TGS1: variants seen among roughly 807,000 people sequenced by gnomAD.
The protein encoded by TGS1 is trimethylguanosine synthase 1.
Under a neutral mutation model 92.2 loss-of-function variants are expected in TGS1, and 69 were observed. The observed-to-expected ratio is 0.75, with a 90% CI of 0.62 to 0.91. The LOEUF (loss-of-function observed/expected upper bound fraction) is 0.91, where lower values mean the gene tolerates loss of function less well. Ranked by LOEUF, TGS1 falls within the 40% of genes least tolerant of loss-of-function variation. The pLI is 0.00. For synonymous variants in TGS1, 345 were observed against 338.1 expected, an observed-to-expected ratio of 1.02 and a Z score of -0.22; for missense variants, 1,062 against 1,001.2, an observed-to-expected ratio of 1.06 and a Z score of -0.82.
chr8:55,819,368 C>T (rs1179355976), intron 12 of TGS1, among the ~76,000 whole-genome samples: 1 of 147,212 alleles, frequency 6.8e-6, no homozygotes, highest in African/African-American at 2.5e-5. Flanking sequence ...CTGATCTCAG[C>T]TCACCACAAC....
At chr8:55,817,409 G>A (rs1457922870) in intron 12 of TGS1, among the ~76,000 whole-genome samples, 1 of 152,096 alleles carries the variant, frequency 6.6e-6, no homozygotes, top group African/African-American at 2.4e-5. Flanking sequence ...ATTTGAATTT[G>A]AATAAATATG....
intron 10 of TGS1, among the ~76,000 whole-genome samples, chr8:55,806,165 G>A (rs951619333): frequency 1.3e-5 from 2 of 151,148 alleles, no homozygotes; most frequent in African/African-American, 2.4e-5. Context: ...AGACCAGCCT[G>A]ACCAACATGG....
At chr8:55,781,247 A>G (rs1811554639) in intron 1 of TGS1, among the ~76,000 whole-genome samples, 1 of 152,188 alleles carries the variant, frequency 6.6e-6, no homozygotes, top group Non-Finnish European at 1.5e-5. Flanking sequence ...CCATGAGTTT[A>G]TAACAGTACT....
chr8:55,814,276 C>T (rs2130238835), intron 12 of TGS1, among the ~76,000 whole-genome samples: 1 of 152,172 alleles, frequency 6.6e-6, no homozygotes, highest in African/African-American at 2.4e-5. Flanking sequence ...ACTACTGATA[C>T]TGTAATCCAC....
intron 7 of TGS1, among the ~76,000 whole-genome samples, chr8:55,798,504 C>G (rs537285135): frequency 2.6e-5 from 4 of 152,130 alleles, no homozygotes; most frequent in Admixed American, 6.6e-5. Flanking sequence ...TAGATTGTAG[C>G]TTGACCATTG....
chr8:55,776,949 G>GTT (rs112116576), intron 1 of TGS1, among the ~76,000 whole-genome samples: 1 of 149,838 alleles, frequency 6.7e-6, no homozygotes, highest in Non-Finnish European at 1.5e-5. Context: ...TTGTTTGTTG[G>GTT]TTTTTTTTTG....
intron 4 of TGS1, among the ~76,000 whole-genome samples, chr8:55,788,303 CT>C (rs1811777853): frequency 1.3e-5 from 2 of 152,164 alleles, no homozygotes; most frequent in African/African-American, 4.8e-5. Context: ...CTTTGCTTAT[CT>C]CAGATTGCTG....
rs757441376 is a variant in TGS1, at chr8:55,809,492, G to A, written c.2144-1389G>A. Among the ~76,000 whole-genome samples the A allele has an allele frequency of 2.1e-4, 31 of 149,922 alleles. 1 individual carries two copies. Among genetic ancestry groups the A allele is most frequent in the Non-Finnish European group, 3.2e-4 (22 of 67,744 alleles). On this transcript the variant is annotated intron_variant, in intron 10 of 12. Transcript: ENST00000260129. The stretch of plus-strand genomic sequence containing the variant: ...TGCAGTTGTGGGGTGCAGGTGTTTC[G>A]CTCTGTCACCCAAGCTGGAGTGCAG...
Position 55,824,917 on chromosome 8 carries a change from C to T in TGS1, c.*214C>T. On this transcript the variant is annotated 3_prime_UTR_variant, in exon 13 of 13. Coordinates refer to ENST00000260129, the MANE Select transcript of TGS1 (RefSeq NM_024831.8). The stretch of plus-strand genomic sequence containing the variant: ...TTATACAAAATTAATATATATGAGT[C>T]CTTTGTAATTTATTTTTTTTTGAGA... The T allele has an allele frequency of 2.0e-6, 1 of 493,008 alleles. No individual in the cohort carries two copies. The highest frequency in any genetic ancestry group is 3.4e-6 in the Non-Finnish European group (1 of 291,286). The allele number at this position is 493,008 out of a possible 1,614,324, so 30.5% of individuals were successfully genotyped here.
intron 6 of TGS1, among the ~76,000 whole-genome samples, chr8:55,793,000 CCATTT>C (rs1811927641): frequency 6.6e-6 from 1 of 152,142 alleles, no homozygotes; most frequent in African/African-American, 2.4e-5. Context: ...TGTTGTTATT[CCATTT>C]CATAGATAAA....
intron 2 of TGS1, among the ~76,000 whole-genome samples, 200 bp downstream of exon 2, chr8:55,783,012 A>G (rs1296232775): frequency 3.3e-5 from 5 of 152,156 alleles, no homozygotes; most frequent in African/African-American, 7.2e-5. Flanking sequence ...TTATTTTTCT[A>G]TAGCTCCTGT....
intron 6 of TGS1, among the ~76,000 whole-genome samples, chr8:55,795,066 A>C (rs1450374474): frequency 6.6e-6 from 1 of 152,266 alleles, no homozygotes; most frequent in Non-Finnish European, 1.5e-5. Context: ...AATAGTTCAT[A>C]TAATCATTTA....
intron 10 of TGS1, among the ~76,000 whole-genome samples, chr8:55,807,181 G>GATAATATTTGTTGCTTGA (rs1803191794): frequency 6.6e-6 from 1 of 152,078 alleles, no homozygotes; most frequent in African/African-American, 2.4e-5. Flanking sequence ...TCCCGCCTCA[G>GATAATATTTGTTGCTTGA]CCTCGCAAAG....
At chr8:55,799,300 T>C (rs777828664) in intron 8 of TGS1, 80 bp downstream of exon 8, 40 of 1,329,888 alleles carry the variant, frequency 3.0e-5, no homozygotes, top group Non-Finnish European at 3.8e-5. Flanking sequence ...TAGTTTTCAC[T>C]TGTGAATCTT....
In TGS1 at chr8:55,773,567, C is replaced by T. The variant is rs1181042427; in HGVS notation, c.-52C>T. 2.7e-6 allele frequency: 4 copies of T among 1,465,526 alleles called. No individual in the cohort carries two copies. The highest frequency in any genetic ancestry group is 1.2e-5 in the South Asian group (1 of 84,640). 90.8% of individuals were successfully genotyped at this position (1,465,526 alleles called of 1,614,324 possible). A position where few individuals can be genotyped will look rare whatever the true frequency, so the allele number is the denominator to read the frequency against. On this transcript the variant is annotated 5_prime_UTR_variant, in exon 1 of 13. Transcript: ENST00000260129. ...AGTCTCCAGTAACCGAGCGGAGGCC[C>T]GGCAGGCGCGACCCGGGCTGCGTAC... is the stretch of plus-strand genomic sequence containing the variant.
At chr8:55,808,286 A>G (rs1342734487) in intron 10 of TGS1, among the ~76,000 whole-genome samples, 2 of 152,154 alleles carry the variant, frequency 1.3e-5, no homozygotes, top group African/African-American at 4.8e-5. Flanking sequence ...AGTTCTTCTC[A>G]GACTTTGCCA....
chr8:55,804,176 C>T (rs1812297545), intron 9 of TGS1, among the ~76,000 whole-genome samples: 1 of 152,160 alleles, frequency 6.6e-6, no homozygotes. Context: ...CATGGTGGCT[C>T]ATGCCTGTAA....
In TGS1 at chr8:55,786,889, G is replaced by A; in HGVS notation, c.991G>A (p.Val331Ile). ...TAACATAAAACTGAATTCAGAGGAA[G>A]TAACACAGAGCCAATTAGATTCCTG... ...ISNIKLNSEE[V>I]TQSQLDSCTS... The change falls in exon 4 of 13, where the codon GTA becomes ATA. Residue 331 changes from valine (V) to isoleucine (I), a missense_variant. Physicochemically the swap from Val to Ile is conservative, Grantham distance 29 (BLOSUM62 3). Coordinates refer to ENST00000260129, the MANE Select transcript of TGS1 (RefSeq NM_024831.8). The A allele has an allele frequency of 6.2e-7, 1 of 1,614,160 alleles. No homozygotes were observed. The highest frequency in any genetic ancestry group is 1.1e-5 in the South Asian group (1 of 91,086).
Position 55,790,296 on chromosome 8 carries a change from G to C in TGS1, c.1277G>C (p.Arg426Thr), listed in dbSNP as rs1482140360. Residue 426 changes from arginine to threonine, a missense_variant, in exon 5 of 13, where the codon AGG becomes ACG. Coordinates refer to ENST00000260129, the MANE Select transcript of TGS1 (RefSeq NM_024831.8). Reference protein sequence around the residue: ...PPEHKPSKLKRSHELDIDENP... With the variant: ...PPEHKPSKLKTSHELDIDENP... The stretch of plus-strand genomic sequence containing the variant: ...GAGCATAAGCCAAGCAAACTGAAGA[G>C]GAGGTAAGTTACATGAGACCCCTCT... 1.9e-6 allele frequency: 3 copies of C among 1,610,222 alleles called. No individual in the cohort carries two copies. The highest frequency in any genetic ancestry group is 2.5e-6 in the Non-Finnish European group (3 of 1,176,568).
Sources: gnomAD v4.1 joint callset for allele counts (sites outside exome capture counted in the v4.1 genomes callset) on GRCh38, gnomAD v4.1.1 for gene constraint, MANE v1.5 for transcripts, NCBI Gene and HGNC (gene_info 2026-07-23, HGNC 2026-07-21) for gene names.